The following TUBGCP4 variants were observed in gnomAD, a reference collection of about 807,000 sequenced individuals.
TUBGCP4 encodes tubulin gamma complex component 4.
A neutral mutation model predicts 91.6 loss-of-function variants in TUBGCP4; 54 were observed. The observed-to-expected ratio is 0.59, with a 90% CI of 0.47 to 0.74. The LOEUF (loss-of-function observed/expected upper bound fraction) is 0.74, where lower values mean the gene tolerates loss of function less well. TUBGCP4 is among the 30% of genes least tolerant of loss of function. TUBGCP4 has a pLI of 0.00. For missense variants in TUBGCP4, 593 were observed against 800.9 expected, an observed-to-expected ratio of 0.74 and a Z score of 3.13; for synonymous variants, 297 against 302.8, an observed-to-expected ratio of 0.98 and a Z score of 0.20.
chr15:43,376,418 C>G, intron 2 of TUBGCP4, 85 bp from the exon 3 acceptor site: 1 of 1,612,732 alleles, frequency 6.2e-7, no homozygotes, highest in Non-Finnish European at 8.5e-7. Context: ...GTTTGTATAA[C>G]TTTTAAAAGA....
rs758597229 is a variant in TUBGCP4, at chr15:43,399,117, G to C, written c.1419-927G>C. The C allele has an allele frequency of 4.1e-5, 53 of 1,277,870 alleles. 1 individual carries two copies. The Middle Eastern group carries it at 6.4e-4, about 16-fold the overall frequency. The allele number at this position is 1,277,870 out of a possible 1,614,324, so 79.2% of individuals were successfully genotyped here. A position where few individuals can be genotyped will look rare whatever the true frequency, so the allele number is the denominator to read the frequency against. ...CATTATGTTTGTTCCTTTAGAAATA[G>C]ACAATTTTAAAAACCAAACAGAATG... On this transcript the variant is annotated intron_variant, in intron 13 of 17. Coordinates refer to ENST00000564079, the MANE Select transcript of TUBGCP4 (RefSeq NM_014444.5).
chr15:43,389,225 T>A (rs1007006693), intron 9 of TUBGCP4, among the ~76,000 whole-genome samples: 3 of 152,244 alleles, frequency 2.0e-5, no homozygotes, highest in Non-Finnish European at 4.4e-5. Flanking sequence ...ATTTTAATTA[T>A]GTCTTTAGTT....
rs150489577 is a variant in TUBGCP4 at position 43,382,262 on chromosome 15, C to G, written c.522-1041C>G. ...GAAAAATAAAAGAAAAAGGGATTCT[C>G]TTATAGAACATCAATTCCATATTAC... is the stretch of plus-strand genomic sequence containing the variant. On this transcript the variant is annotated intron_variant, in intron 6 of 17. Transcript: ENST00000564079. 4.0e-3 allele frequency among the ~76,000 whole-genome samples: 604 copies of G among 151,986 alleles called. 3 individuals are homozygous for G. Among genetic ancestry groups the G allele is most frequent in the Non-Finnish European group, 7.7e-3 (525 of 67,954 alleles).
intron 5 of TUBGCP4, among the ~76,000 whole-genome samples, chr15:43,378,928 T>TATC (rs2044245590): frequency 6.6e-6 from 1 of 152,238 alleles, no homozygotes; most frequent in Non-Finnish European, 1.5e-5. Flanking sequence ...TAGATTAAAC[T>TATC]ATCTCCCAAA....
intron 9 of TUBGCP4, among the ~76,000 whole-genome samples, chr15:43,388,660 A>G (rs2142829205): frequency 6.6e-6 from 1 of 152,366 alleles, no homozygotes; most frequent in Non-Finnish European, 1.5e-5. Context: ...TGAATTATAA[A>G]CAATAGAAAA....
chr15:43,385,752 T>C (rs969156280), intron 7 of TUBGCP4, 39 bp from the exon 8 acceptor site: 2 of 1,607,674 alleles, frequency 1.2e-6, no homozygotes. Context: ...CTTTTCTTGC[T>C]TCACACTGCA....
At chr15:43,386,725 C>CAAAAA (rs10718458) in intron 9 of TUBGCP4, among the ~76,000 whole-genome samples, 1 of 67,018 alleles carries the variant, frequency 1.5e-5, no homozygotes, top group Non-Finnish European at 2.9e-5. Flanking sequence ...ACTCTGTCTC[C>CAAAAA]AAAAAAAAAA....
At chr15:43,400,563 G>T (rs1460393932) in intron 14 of TUBGCP4, among the ~76,000 whole-genome samples, 3 of 151,930 alleles carry the variant, frequency 2.0e-5, no homozygotes, top group African/African-American at 4.8e-5. Context: ...ACACCCAGCT[G>T]GTTTGTTTTT....
At chr15:43,400,789 C>A (rs1037658601) in intron 14 of TUBGCP4, among the ~76,000 whole-genome samples, 1 of 152,036 alleles carries the variant, frequency 6.6e-6, no homozygotes, top group African/African-American at 2.4e-5. Context: ...GTGGTGGCGC[C>A]TGTTTGTAGT....
chr15:43,376,209 G>C lies in TUBGCP4; in HGVS notation c.190G>C (p.Gly64Arg). 6.2e-7 allele frequency: 1 copy of C among 1,613,850 alleles called. No homozygotes were observed. Among genetic ancestry groups the C allele is most frequent in the Non-Finnish European group, 8.5e-7 (1 of 1,180,002 alleles). The change falls in exon 2 of 18, where the codon GGC becomes CGC. Residue 64 changes from glycine to arginine, a missense_variant. By Grantham distance (125) the Gly-to-Arg change is moderately radical. Coordinates refer to ENST00000564079, the MANE Select transcript of TUBGCP4 (RefSeq NM_014444.5). ...RFTEFIEQYT[G>R]HVQQQDHHPS... ...CACTGAGTTCATTGAACAGTACACG[G>C]GCCATGTGCAACAGCAGGTGGGTCC...
At chr15:43,403,062 C>A (rs2044722974) in intron 15 of TUBGCP4, 1 of 152,148 alleles carries the variant, frequency 6.6e-6, no homozygotes, top group South Asian at 2.1e-4. Flanking sequence ...CAGAGCAGGT[C>A]ATCATCATTA....
intron 17 of TUBGCP4, 160 bp downstream of exon 17, chr15:43,404,712 G>T: frequency 1.3e-6 from 1 of 763,546 alleles, no homozygotes; most frequent in Non-Finnish European, 2.0e-6. Context: ...TTTAATGGAG[G>T]TTATTTTCTA....
chr15:43,395,554 T>C, intron 10 of TUBGCP4, 29 bp from the exon 11 acceptor site: 1 of 1,560,514 alleles, frequency 6.4e-7, no homozygotes, highest in Non-Finnish European at 8.8e-7. Context: ...CTTGCTTTAC[T>C]GAATTGTAAA....
intron 4 of TUBGCP4, chr15:43,377,620 A>AAG (rs2044226144): frequency 4.3e-6 from 2 of 463,250 alleles, no homozygotes; most frequent in Non-Finnish European, 7.4e-6. Flanking sequence ...TCAAAAAAAA[A>AAG]AAAAAAAAGA....
In TUBGCP4 at chr15:43,406,709, T is replaced by C. The variant is rs1268665431; in HGVS notation, c.*1495T>C. ...CCAGCTATTGTGACAATAATAATAATAATAATATTGGGTCTTTGACTAGAA... is the reference window on the plus strand; with the variant it reads ...CCAGCTATTGTGACAATAATAATAACAATAATATTGGGTCTTTGACTAGAA... On this transcript the variant is annotated 3_prime_UTR_variant, in exon 18 of 18. Coordinates refer to ENST00000564079, the MANE Select transcript of TUBGCP4 (RefSeq NM_014444.5). 7.0e-6 allele frequency: 3 copies of C among 430,546 alleles called. No individual in the cohort carries two copies. The highest frequency in any genetic ancestry group is 1.4e-5 in the Non-Finnish European group (3 of 218,510). The allele number at this position is 430,546 out of a possible 1,614,324, so 26.7% of individuals were successfully genotyped here.
chr15:43,398,226 TGTAAG>T, intron 13 of TUBGCP4, 47 bp downstream of exon 13: 1 of 1,583,150 alleles, frequency 6.3e-7, no homozygotes, highest in Non-Finnish European at 8.6e-7. Context: ...CCACCTTACT[TGTAAG>T]GGAAGAAACT....
rs759268445 is a variant in TUBGCP4, at chr15:43,405,207, G to A, written c.1994G>A (p.Gly665Glu). Residue 665 changes from glycine (G) to glutamate (E), a missense_variant, in exon 18 of 18, where the codon GGG becomes GAG. Physicochemically the swap from Gly to Glu is moderately conservative, Grantham distance 98. Transcript: ENST00000564079. ...TQAGGTLGSF[G>E]M is the part of the protein sequence containing the mutation. ...GCTCTTTTTCTCTTTTGTAGTTTCG[G>A]GATGTGAAAATTTCTGGCTCATAAA... The A allele has an allele frequency of 6.2e-7, 1 of 1,614,078 alleles. No homozygotes were observed. The highest frequency in any genetic ancestry group is 8.5e-7 in the Non-Finnish European group (1 of 1,179,984).
intron 7 of TUBGCP4, among the ~76,000 whole-genome samples, chr15:43,385,198 A>G (rs1287440437): frequency 2.6e-5 from 4 of 152,214 alleles, no homozygotes; most frequent in African/African-American, 9.6e-5. Context: ...AAATCTACAT[A>G]TGGAATCATC....
At chr15:43,378,522 A>AT (rs1388401640) in intron 5 of TUBGCP4, among the ~76,000 whole-genome samples, 1 of 152,044 alleles carries the variant, frequency 6.6e-6, no homozygotes, top group Non-Finnish European at 1.5e-5. Context: ...TCAAGTCGTC[A>AT]TTTTTTTTAA....
Sources: allele counts gnomAD v4.1 joint callset (sites outside exome capture counted in the v4.1 genomes callset), GRCh38; gene constraint gnomAD v4.1.1; transcripts MANE v1.5; gene names NCBI Gene and HGNC (gene_info 2026-07-23, HGNC 2026-07-21).